The following PTPRG variants were observed in gnomAD, a reference collection of about 807,000 sequenced individuals.
The protein encoded by PTPRG is receptor-type tyrosine-protein phosphatase gamma.
PTPRG carries 102 observed loss-of-function variants against 165.3 expected under a neutral mutation model. That is an observed-to-expected ratio of 0.62 (90% CI 0.53 to 0.73). The LOEUF (loss-of-function observed/expected upper bound fraction) is 0.73, where lower values mean the gene tolerates loss of function less well. Ranked by LOEUF, PTPRG falls within the 30% of genes least tolerant of loss-of-function variation. PTPRG has a pLI of 0.00. For missense variants in PTPRG, 1,866 were observed against 1,861.4 expected, an observed-to-expected ratio of 1.00 and a Z score of -0.05; for synonymous variants, 675 against 669.5, an observed-to-expected ratio of 1.01 and a Z score of -0.13.
At position 62,296,405 on chromosome 3, in the gene PTPRG, A is replaced by G. The variant is rs1163805869; in HGVS notation, c.*3098A>G. Reference sequence around the variant, plus strand: ...ACACAGCACAACTGCCTTGTTATGAATTTTTCTTAAATGCATATATACTGT... The same window carrying G: ...ACACAGCACAACTGCCTTGTTATGAGTTTTTCTTAAATGCATATATACTGT... On this transcript the variant is annotated 3_prime_UTR_variant, in exon 30 of 30. Coordinates refer to ENST00000474889, the MANE Select transcript of PTPRG (RefSeq NM_002841.4). The G allele has an allele frequency of 6.6e-6, 1 of 151,892 alleles. No individual in the cohort carries two copies. The highest frequency in any genetic ancestry group is 1.5e-5 in the Non-Finnish European group (1 of 67,940). 9.4% of individuals were successfully genotyped at this position (151,892 alleles called of 1,614,324 possible).
intron 2 of PTPRG, among the ~76,000 whole-genome samples, chr3:61,819,388 C>G (rs945296771): frequency 4.6e-5 from 7 of 152,258 alleles, no homozygotes; most frequent in Non-Finnish European, 5.9e-5. Context: ...CTCTTTACAT[C>G]TACTAAGGAT....
At chr3:61,599,081 C>T (rs1249292223) in intron 1 of PTPRG, among the ~76,000 whole-genome samples, 3 of 152,284 alleles carry the variant, frequency 2.0e-5, no homozygotes, top group African/African-American at 7.2e-5. Flanking sequence ...AGAGTGGCTG[C>T]AGTCAAGCAA....
At chr3:61,840,436 T>G (rs2036591328) in intron 2 of PTPRG, among the ~76,000 whole-genome samples, 1 of 152,124 alleles carries the variant, frequency 6.6e-6, no homozygotes, top group African/African-American at 2.4e-5. Flanking sequence ...CATCTTATTG[T>G]TTTAGGGCAA....
At chr3:62,018,600 G>A (rs1212642714) in intron 4 of PTPRG, among the ~76,000 whole-genome samples, 1 of 152,178 alleles carries the variant, frequency 6.6e-6, no homozygotes, top group East Asian at 1.9e-4. Flanking sequence ...TCTTCAAATG[G>A]TAGTCTAAGG....
chr3:61,690,196 G>A (rs576932726), intron 1 of PTPRG, among the ~76,000 whole-genome samples: 2 of 152,240 alleles, frequency 1.3e-5, no homozygotes, highest in South Asian at 2.1e-4. Context: ...CATTGCATGC[G>A]GCAGATGGCC....
chr3:61,938,660 C>T lies in PTPRG; in HGVS notation c.191-50965C>T, dbSNP rs148470770. The stretch of plus-strand genomic sequence containing the variant: ...GTACCTGTTTTTTTCACTTAAGGTG[C>T]GGTCAGTTGAAATATTTGCTGTTGC... On this transcript the variant is annotated intron_variant, in intron 2 of 29. Coordinates refer to ENST00000474889, the MANE Select transcript of PTPRG (RefSeq NM_002841.4). Among the ~76,000 whole-genome samples the T allele has an allele frequency of 3.4e-3, 513 of 152,222 alleles. 1 individual carries two copies. The highest frequency in any genetic ancestry group is 0.012 in the African/African-American group (495 of 41,540).
At chr3:62,221,011 A>G (rs1700638831) in intron 13 of PTPRG, among the ~76,000 whole-genome samples, 1 of 152,200 alleles carries the variant, frequency 6.6e-6, no homozygotes, top group Non-Finnish European at 1.5e-5. Context: ...AACAGGCATC[A>G]ATACCCAGCC....
chr3:62,275,798 AT>A (rs1702212777), intron 23 of PTPRG, 74 bp from the exon 24 acceptor site: 3 of 1,110,120 alleles, frequency 2.7e-6, no homozygotes, highest in Admixed American at 4.5e-5. Flanking sequence ...TCTGATTGGG[AT>A]TTTTGCCAAA....
At chr3:62,169,052 T>C (rs954964635) in intron 8 of PTPRG, among the ~76,000 whole-genome samples, 4 of 152,200 alleles carry the variant, frequency 2.6e-5, no homozygotes, top group African/African-American at 9.6e-5. Flanking sequence ...GCTGTTCTTC[T>C]GCTCTTCTAT....
At chr3:62,030,250 A>G (rs992897646) in intron 4 of PTPRG, among the ~76,000 whole-genome samples, 2 of 151,154 alleles carry the variant, frequency 1.3e-5, no homozygotes, top group African/African-American at 4.9e-5. Flanking sequence ...AACTAAGGCA[A>G]TGTTGACACA....
At chr3:61,716,620 A>G (rs1366584188) in intron 1 of PTPRG, among the ~76,000 whole-genome samples, 1 of 152,148 alleles carries the variant, frequency 6.6e-6, no homozygotes, top group African/African-American at 2.4e-5. Context: ...ACAGCATTTT[A>G]GGGCTAAAAT....
intron 2 of PTPRG, among the ~76,000 whole-genome samples, chr3:61,820,699 G>T (rs1317349542): frequency 1.3e-5 from 2 of 149,034 alleles, no homozygotes; most frequent in Non-Finnish European, 3.0e-5. Flanking sequence ...GGAGAAAGCA[G>T]GTTTTGCTCT....
At chr3:62,117,652 A>G (rs533750526) in intron 5 of PTPRG, among the ~76,000 whole-genome samples, 8 of 152,228 alleles carry the variant, frequency 5.3e-5, no homozygotes, top group Non-Finnish European at 7.3e-5. Flanking sequence ...TGGGTTTCCT[A>G]TTGCAGTATA....
chr3:61,847,956 C>T (rs951874756), intron 2 of PTPRG, among the ~76,000 whole-genome samples: 12 of 152,204 alleles, frequency 7.9e-5, no homozygotes, highest in African/African-American at 2.7e-4. Context: ...TGCTTTTCCC[C>T]TTGTCTTCTT....
intron 8 of PTPRG, among the ~76,000 whole-genome samples, chr3:62,178,532 C>G (rs926819528): frequency 3.3e-5 from 5 of 152,110 alleles, no homozygotes; most frequent in African/African-American, 1.2e-4. Context: ...TGGATGGAAG[C>G]GTACATTTCA....
intron 1 of PTPRG, among the ~76,000 whole-genome samples, chr3:61,746,997 G>T (rs1426791588): frequency 6.6e-6 from 1 of 152,118 alleles, no homozygotes; most frequent in Non-Finnish European, 1.5e-5. Context: ...AGTGGCATGC[G>T]CTGATGGTCC....
At chr3:62,053,172 A>G (rs756031395) in intron 4 of PTPRG, among the ~76,000 whole-genome samples, 5 of 151,720 alleles carry the variant, frequency 3.3e-5, no homozygotes, top group African/African-American at 4.8e-5. Context: ...GTGGTTTAAT[A>G]TAGACTGTAT....
At chr3:61,653,324 T>C (rs1702412822) in intron 1 of PTPRG, among the ~76,000 whole-genome samples, 1 of 152,188 alleles carries the variant, frequency 6.6e-6, no homozygotes, top group African/African-American at 2.4e-5. Context: ...TATCCCCCTT[T>C]TTTTTTCCAG....
chr3:61,702,373 C>A (rs1399916559), intron 1 of PTPRG, among the ~76,000 whole-genome samples: 1 of 152,208 alleles, frequency 6.6e-6, no homozygotes, highest in African/African-American at 2.4e-5. Flanking sequence ...AGAATAGGAA[C>A]TGTTACTTTC....
Sources: allele counts gnomAD v4.1 joint callset (sites outside exome capture counted in the v4.1 genomes callset), GRCh38; gene constraint gnomAD v4.1.1; transcripts MANE v1.5; gene names NCBI Gene and HGNC (gene_info 2026-07-23, HGNC 2026-07-21).